The following FTCDNL1 variants were observed in gnomAD, a reference collection of about 807,000 sequenced individuals.
The protein encoded by FTCDNL1 is formiminotransferase N-terminal subdomain-containing protein.
FTCDNL1 carries 11 observed loss-of-function variants against 5.9 expected under a neutral mutation model. The observed-to-expected ratio is 1.87, with a 90% confidence interval of 1.18 to 3.10. FTCDNL1 has a LOEUF of 3.10. Ranked by LOEUF, FTCDNL1 falls within the 30% of genes most tolerant of loss-of-function variation. The pLI, the probability that FTCDNL1 is intolerant of heterozygous loss-of-function variation, is 0.00. For synonymous variants in FTCDNL1, 58 were observed against 24.8 expected (o/e 2.34, Z -3.99); for missense variants, 115 against 65.5 (o/e 1.76, Z -2.61).
At position 199,788,485 on chromosome 2, in the gene FTCDNL1, G is replaced by A. The variant is rs1314533593; in HGVS notation, c.212-27650C>T. Among the ~76,000 whole-genome samples, 5 of 152,020 alleles carry A rather than the reference G, an allele frequency of 3.3e-5. No homozygotes were observed. The East Asian group carries it at 7.7e-4, about 23-fold the overall frequency. On this transcript the variant is annotated intron_variant, in intron 3 of 3. Coordinates refer to the FTCDNL1 transcript ENST00000416668. ...CTTGAATAAGCCTGAAGTAAATCCC[G>A]AGAATAAAATAGAAAGAGAAATTAG...
At chr2:199,817,355 T>C (rs554894554) in intron 4 of FTCDNL1, among the ~76,000 whole-genome samples, 11 of 152,260 alleles carry the variant, frequency 7.2e-5, no homozygotes, top group African/African-American at 2.7e-4. Flanking sequence ...TTCCCCAGTA[T>C]TAAATATTAC....
chr2:199,700,510 CCAA>C, the FTCDNL1 span, among the ~76,000 whole-genome samples: 8 of 152,102 alleles, frequency 5.3e-5, 1 homozygote, highest in East Asian at 1.9e-4. Context: ...TATCAAACTG[CCAA>C]CAACATTTTT....
At chr2:199,830,314 T>C (rs1702287347) in intron 3 of FTCDNL1, among the ~76,000 whole-genome samples, 1 of 152,216 alleles carries the variant, frequency 6.6e-6, no homozygotes, top group South Asian at 2.1e-4. Context: ...ACAGTATGTT[T>C]AAAAAGAGTG....
chr2:199,689,995 T>G, the FTCDNL1 span, among the ~76,000 whole-genome samples: 1 of 152,164 alleles, frequency 6.6e-6, no homozygotes, highest in African/African-American at 2.4e-5. Context: ...AAAATCATCT[T>G]GCAGAAAAGA....
intron 3 of FTCDNL1, among the ~76,000 whole-genome samples, chr2:199,792,832 C>T (rs1482523887): frequency 2.0e-5 from 3 of 152,050 alleles, no homozygotes; most frequent in Admixed American, 1.3e-4. Flanking sequence ...AAACAGAAAC[C>T]GTGGGTGCTA....
intron 3 of FTCDNL1, among the ~76,000 whole-genome samples, chr2:199,776,927 TACACAC>T (rs201417430): frequency 6.8e-6 from 1 of 147,456 alleles, no homozygotes; most frequent in Non-Finnish European, 1.5e-5. Flanking sequence ...TATATATATA[TACACAC>T]ACACACACAC....
At chr2:199,777,587 C>T (rs1311537131) in intron 3 of FTCDNL1, among the ~76,000 whole-genome samples, 1 of 152,122 alleles carries the variant, frequency 6.6e-6, no homozygotes, top group Non-Finnish European at 1.5e-5. Flanking sequence ...ATAAGAATAC[C>T]TTCACAGAAA....
chr2:199,850,193 T>A (rs1322549741), intron 1 of FTCDNL1, among the ~76,000 whole-genome samples: 1 of 152,192 alleles, frequency 6.6e-6, no homozygotes, highest in African/African-American at 2.4e-5. Context: ...TTCATAAAAA[T>A]TCTGTCATTA....
At chr2:199,741,144 G>A in the FTCDNL1 span, among the ~76,000 whole-genome samples, 1 of 152,290 alleles carries the variant, frequency 6.6e-6, no homozygotes, top group African/African-American at 2.4e-5. Context: ...GACAGCCTGT[G>A]TTCATCCTGC....
the FTCDNL1 span, among the ~76,000 whole-genome samples, chr2:199,732,196 T>C: frequency 6.6e-6 from 1 of 152,324 alleles, no homozygotes; most frequent in South Asian, 2.1e-4. Context: ...TCTACTTCTC[T>C]AATCTTCATT....
chr2:199,679,627 T>A, the FTCDNL1 span, among the ~76,000 whole-genome samples: 1 of 138,026 alleles, frequency 7.2e-6, no homozygotes, highest in Non-Finnish European at 1.5e-5. Flanking sequence ...CATAGACATC[T>A]TTTTTTTTAT....
the FTCDNL1 span, among the ~76,000 whole-genome samples, chr2:199,721,982 T>C: frequency 6.6e-5 from 10 of 152,230 alleles, no homozygotes; most frequent in Non-Finnish European, 2.9e-5. Flanking sequence ...CATTTGTCTT[T>C]TTCTTATAAA....
the FTCDNL1 span, among the ~76,000 whole-genome samples, chr2:199,690,737 A>T: frequency 6.6e-6 from 1 of 152,200 alleles, no homozygotes; most frequent in Non-Finnish European, 1.5e-5. Context: ...TCTCTCCTGC[A>T]TCAAACACCG....
At chr2:199,796,785 C>T (rs1216085222) in intron 3 of FTCDNL1, among the ~76,000 whole-genome samples, 1 of 149,522 alleles carries the variant, frequency 6.7e-6, no homozygotes, top group Non-Finnish European at 1.5e-5. Context: ...AAATCCCATA[C>T]AATCTACACC....
In FTCDNL1 at chr2:199,819,822, T is replaced by C. The variant is rs1200521290; in HGVS notation, c.212-65A>G. ...AAGCCAAATTTTAAAAACCAAAGCA[T>C]ATAATTTTTTTGCTGTGGTAAAACA... On this transcript the variant is annotated intron_variant, in intron 3 of 4. Coordinates refer to ENST00000420128, the MANE Select transcript of FTCDNL1 (RefSeq NM_001363886.2). The C allele has an allele frequency of 7.6e-6, 5 of 655,944 alleles. No individual in the cohort carries two copies. In the East Asian group the frequency reaches 1.1e-4, roughly 14 times the overall value. The allele number at this position is 655,944 out of a possible 1,614,324, so 40.6% of individuals were successfully genotyped here.
At chr2:199,686,403 CT>C in the FTCDNL1 span, among the ~76,000 whole-genome samples, 1 of 152,144 alleles carries the variant, frequency 6.6e-6, no homozygotes, top group African/African-American at 2.4e-5. Context: ...AAAAATAACT[CT>C]TTATATTTTA....
intron 3 of FTCDNL1, among the ~76,000 whole-genome samples, chr2:199,762,624 A>AT (rs1698324067): frequency 1.3e-5 from 2 of 152,172 alleles, no homozygotes; most frequent in African/African-American, 4.8e-5. Flanking sequence ...TAAATAAATA[A>AT]TTCATTTATG....
At chr2:199,776,758 C>T (rs1390113806) in intron 3 of FTCDNL1, among the ~76,000 whole-genome samples, 3 of 152,010 alleles carry the variant, frequency 2.0e-5, no homozygotes, top group Admixed American at 1.3e-4. Flanking sequence ...TAAAAAGGTA[C>T]AGAAAAGTTT....
the FTCDNL1 span, among the ~76,000 whole-genome samples, chr2:199,710,218 A>C: frequency 6.6e-6 from 1 of 152,134 alleles, no homozygotes; most frequent in African/African-American, 2.4e-5. Flanking sequence ...TGATGATTTC[A>C]CTAGTTAAAA....
Sources: gnomAD v4.1 joint callset for allele counts (sites outside exome capture counted in the v4.1 genomes callset) on GRCh38, gnomAD v4.1.1 for gene constraint, MANE v1.5 for transcripts, NCBI Gene and HGNC (gene_info 2026-07-23, HGNC 2026-07-21) for gene names.